Variants in MTOR observed in about 807,000 individuals in gnomAD.
MTOR encodes the protein mechanistic target of rapamycin kinase.
MTOR carries 70 observed loss-of-function variants against 319.8 expected under a neutral mutation model. The observed-to-expected ratio is 0.22, with a 90% confidence interval of 0.18 to 0.27. MTOR has a LOEUF of 0.27. MTOR is among the 10% of genes least tolerant of loss of function. The pLI, the probability that MTOR is intolerant of heterozygous loss-of-function variation, is 1.00. For synonymous variants in MTOR, 1,183 were observed against 1,211.4 expected, an observed-to-expected ratio of 0.98 and a Z score of 0.49; for missense variants, 1,890 against 3,274.4, an observed-to-expected ratio of 0.58 and a Z score of 10.32.
intron 29 of MTOR, among the ~76,000 whole-genome samples, chr1:11,159,504 G>A (rs1483163677): frequency 2.6e-5 from 4 of 152,108 alleles, no homozygotes; most frequent in African/African-American, 9.7e-5. Context: ...AGCTGAGCGT[G>A]GTGGTGCATG....
intron 24 of MTOR, 45 bp from the exon 25 acceptor site, chr1:11,209,503 G>A: frequency 6.8e-6 from 11 of 1,605,864 alleles, no homozygotes; most frequent in Non-Finnish European, 9.4e-6. Flanking sequence ...TCTACTAGAT[G>A]CTTCTGGTTT....
intron 29 of MTOR, 23 bp downstream of exon 29, chr1:11,167,419 T>G: frequency 1.2e-6 from 2 of 1,606,528 alleles, no homozygotes; most frequent in Non-Finnish European, 1.7e-6. Context: ...CTCCTGCTTT[T>G]CCAAAAAGAA....
rs2100610212 is a variant in MTOR at position 11,167,536 on chromosome 1, A to G, written c.4254-19T>C. On this transcript the variant is annotated intron_variant, in intron 28 of 57. Transcript: ENST00000361445. Reference sequence around the variant, plus strand: ...ATTAATGCTGAGAAAACAAAGGGAAAAGGTAGTTACACTCAACAGGTCTGA... The same window carrying G: ...ATTAATGCTGAGAAAACAAAGGGAAGAGGTAGTTACACTCAACAGGTCTGA... 6.2e-7 allele frequency: 1 copy of G among 1,605,420 alleles called. No homozygotes were observed. The highest frequency in any genetic ancestry group is 1.1e-5 in the South Asian group (1 of 90,920).
At chr1:11,168,585 T>G (rs1199197931) in intron 28 of MTOR, among the ~76,000 whole-genome samples, 1 of 152,186 alleles carries the variant, frequency 6.6e-6, no homozygotes, top group Non-Finnish European at 1.5e-5. Flanking sequence ...CCTTCCACCC[T>G]TTGCAGAAGG....
chr1:11,130,859 G>A (rs1361688204), intron 38 of MTOR, 82 bp from the exon 39 acceptor site: 1 of 1,485,322 alleles, frequency 6.7e-7, no homozygotes. Context: ...CGATGCTGAG[G>A]AACAGCTGCT....
chr1:11,108,310 T>C, intron 56 of MTOR, 24 bp from the exon 57 acceptor site: 1 of 1,567,082 alleles, frequency 6.4e-7, no homozygotes, highest in South Asian at 1.1e-5. Flanking sequence ...AACAAAAACA[T>C]TTCACTCTCT....
chr1:11,141,768 C>T (rs1643718291), intron 34 of MTOR, among the ~76,000 whole-genome samples: 1 of 149,432 alleles, frequency 6.7e-6, no homozygotes, highest in Admixed American at 6.6e-5. Context: ...GGGGGGATCA[C>T]AAGGTCAGGA....
intron 2 of MTOR, 41 bp downstream of exon 2, chr1:11,259,207 C>T: frequency 6.2e-7 from 1 of 1,601,106 alleles, no homozygotes; most frequent in Non-Finnish European, 8.5e-7. Context: ...TACATTTAGC[C>T]CACACATCCC....
chr1:11,193,814 C>T, intron 28 of MTOR: 1 of 1,602,758 alleles, frequency 6.2e-7, no homozygotes, highest in Non-Finnish European at 8.5e-7. Flanking sequence ...GGACCAGTGC[C>T]ACCACACATG....
chr1:11,106,845 G>T lies in MTOR; in HGVS notation c.*640C>A, dbSNP rs1463554314. 7.6e-7 allele frequency: 1 copy of T among 1,313,882 alleles called. No homozygotes were observed. Among genetic ancestry groups the T allele is most frequent in the South Asian group, 1.4e-5 (1 of 71,682 alleles). 81.4% of individuals were successfully genotyped at this position (1,313,882 alleles called of 1,614,324 possible). The stretch of plus-strand genomic sequence containing the variant: ...CATCTGCTCAGCCGAGGCTGCCAGC[G>T]ATCTGAATAAACCTCCCTACTAGCG... On this transcript the variant is annotated 3_prime_UTR_variant, in exon 58 of 58. Coordinates refer to ENST00000361445, the MANE Select transcript of MTOR (RefSeq NM_004958.4).
intron 28 of MTOR, chr1:11,189,346 G>A: frequency 2.0e-6 from 1 of 501,986 alleles, no homozygotes; most frequent in Non-Finnish European, 3.5e-6. Context: ...GCTGACTTGT[G>A]GAGCATTCGG....
At chr1:11,158,165 T>C (rs1644373756) in intron 29 of MTOR, among the ~76,000 whole-genome samples, 1 of 152,200 alleles carries the variant, frequency 6.6e-6, no homozygotes, top group South Asian at 2.1e-4. Context: ...TACTTCATCA[T>C]CAGCTCAATA....
intron 28 of MTOR, among the ~76,000 whole-genome samples, chr1:11,167,930 C>T (rs537995554): frequency 2.0e-5 from 3 of 152,048 alleles, no homozygotes; most frequent in African/African-American, 7.2e-5. Flanking sequence ...ATTAGCCGGG[C>T]GTGGTGGCAG....
chr1:11,125,857 A>G (rs1031548164), intron 46 of MTOR, among the ~76,000 whole-genome samples: 5 of 151,806 alleles, frequency 3.3e-5, no homozygotes, highest in Non-Finnish European at 7.4e-5. Context: ...CCTGGCCAAC[A>G]TGGTGAAACC....
intron 29 of MTOR, among the ~76,000 whole-genome samples, chr1:11,161,928 G>A (rs1458822446): frequency 1.3e-5 from 2 of 152,192 alleles, no homozygotes; most frequent in African/African-American, 4.8e-5. Context: ...AACAAAGCTG[G>A]ACGGAGAACA....
intron 8 of MTOR, among the ~76,000 whole-genome samples, chr1:11,243,732 A>G (rs1648416247): frequency 1.3e-5 from 2 of 152,204 alleles, no homozygotes; most frequent in African/African-American, 2.4e-5. Flanking sequence ...TGCCAAAACA[A>G]TATCACAGAA....
At chr1:11,214,699 T>TA (rs1373805517) in intron 20 of MTOR, among the ~76,000 whole-genome samples, 1 of 152,226 alleles carries the variant, frequency 6.6e-6, no homozygotes, top group African/African-American at 2.4e-5. Flanking sequence ...AAGATGCTGG[T>TA]AAAACTTCCT....
At chr1:11,220,042 AAAAG>A (rs1231155527) in intron 19 of MTOR, among the ~76,000 whole-genome samples, 9 of 116,870 alleles carry the variant, frequency 7.7e-5, no homozygotes, top group African/African-American at 3.5e-4. Context: ...AAAAAAAAAA[AAAAG>A]AAAAGAAAAG....
At chr1:11,206,306 G>T (rs1646136312) in intron 25 of MTOR, among the ~76,000 whole-genome samples, 1 of 152,194 alleles carries the variant, frequency 6.6e-6, no homozygotes, top group African/African-American at 2.4e-5. Context: ...TCCCTCTAAT[G>T]AAATGAGGTT....
Sources: gnomAD v4.1 joint callset for allele counts (sites outside exome capture counted in the v4.1 genomes callset) on GRCh38, gnomAD v4.1.1 for gene constraint, MANE v1.5 for transcripts, NCBI Gene and HGNC (gene_info 2026-07-23, HGNC 2026-07-21) for gene names.